GABRB2: variants seen among roughly 807,000 people sequenced by gnomAD.
The protein encoded by GABRB2 is gamma-aminobutyric acid type A receptor subunit beta2.
GABRB2 carries 16 observed loss-of-function variants against 54.7 expected under a neutral mutation model. The observed-to-expected ratio is 0.29, with a 90% CI of 0.20 to 0.44. GABRB2 has a LOEUF of 0.44. Ranked by LOEUF, GABRB2 falls within the 20% of genes least tolerant of loss-of-function variation. The pLI, the probability that GABRB2 is intolerant of heterozygous loss-of-function variation, is 1.00. For missense variants in GABRB2, 355 were observed against 644.0 expected, an observed-to-expected ratio of 0.55 and a Z score of 4.86; for synonymous variants, 244 against 233.8, an observed-to-expected ratio of 1.04 and a Z score of -0.40.
chr5:161,351,322 A>T (rs1231678483), intron 5 of GABRB2, among the ~76,000 whole-genome samples: 2 of 152,164 alleles, frequency 1.3e-5, no homozygotes, highest in African/African-American at 4.8e-5. Flanking sequence ...TAGTAATCAA[A>T]ATAGCATGGT....
chr5:161,336,790 A>T (rs945062293), intron 5 of GABRB2, 21 bp from the exon 6 acceptor site: 1 of 1,594,434 alleles, frequency 6.3e-7, no homozygotes, highest in African/African-American at 1.4e-5. Flanking sequence ...AAACATACAC[A>T]CACACACACA....
intron 5 of GABRB2, among the ~76,000 whole-genome samples, chr5:161,386,605 C>T (rs963275522): frequency 6.6e-6 from 1 of 151,954 alleles, no homozygotes; most frequent in Non-Finnish European, 1.5e-5. Context: ...GAATGCAGTG[C>T]CTTTACTTCT....
intron 5 of GABRB2, among the ~76,000 whole-genome samples, chr5:161,385,883 A>T (rs1237571004): frequency 1.3e-5 from 2 of 152,108 alleles, no homozygotes; most frequent in Non-Finnish European, 1.5e-5. Flanking sequence ...CAAGTAAAAC[A>T]TCTAAAACAT....
At position 161,371,388 on chromosome 5, in the gene GABRB2, T is replaced by C. The variant is rs538120301; in HGVS notation, c.542-34619A>G. On this transcript the variant is annotated intron_variant, in intron 5 of 9. Transcript: ENST00000393959. ...TCTATTTTAGGCCATTTCTAAAATATGTATCTAAGGAGAAGATACAATTCA... is the reference window on the plus strand; with the variant it reads ...TCTATTTTAGGCCATTTCTAAAATACGTATCTAAGGAGAAGATACAATTCA... Among the ~76,000 whole-genome samples, 14 of 152,314 alleles carry C rather than the reference T, an allele frequency of 9.2e-5. No individual in the cohort carries two copies. The South Asian group carries it at 2.7e-3, about 29-fold the overall frequency.
At chr5:161,540,483 C>A (rs1760776979) in intron 3 of GABRB2, among the ~76,000 whole-genome samples, 1 of 152,206 alleles carries the variant, frequency 6.6e-6, no homozygotes, top group African/African-American at 2.4e-5. Context: ...GACTCAATTT[C>A]TTCCAAACTC....
chr5:161,406,616 T>C (rs1317109058), intron 5 of GABRB2, among the ~76,000 whole-genome samples: 3 of 152,050 alleles, frequency 2.0e-5, no homozygotes, highest in Non-Finnish European at 4.4e-5. Flanking sequence ...ACAGACTTCA[T>C]GTGAGCTTCA....
At chr5:161,397,307 C>G (rs1056605483) in intron 5 of GABRB2, among the ~76,000 whole-genome samples, 1 of 152,178 alleles carries the variant, frequency 6.6e-6, no homozygotes, top group Non-Finnish European at 1.5e-5. Flanking sequence ...AATGTTACAA[C>G]TCAAGGCCGG....
At position 161,291,264 on chromosome 5, in the gene GABRB2, A is replaced by G. The variant is rs1757230530; in HGVS notation, c.*2817T>C. The G allele has an allele frequency of 6.6e-6, 1 of 152,420 alleles. No homozygotes were observed. The highest frequency in any genetic ancestry group is 1.5e-5 in the Non-Finnish European group (1 of 68,008). The allele number at this position is 152,420 out of a possible 1,614,324, so 9.4% of individuals were successfully genotyped here. ...CTGGCTATCTGGCTGTTTATAATTA[A>G]AAGAAAATCTATACATATGTATAAA... On this transcript the variant is annotated 3_prime_UTR_variant, in exon 10 of 10. Coordinates refer to ENST00000393959, the MANE Select transcript of GABRB2 (RefSeq NM_001371727.1).
At chr5:161,395,445 C>T (rs572262744) in intron 5 of GABRB2, among the ~76,000 whole-genome samples, 2 of 152,240 alleles carry the variant, frequency 1.3e-5, no homozygotes, top group African/African-American at 4.8e-5. Context: ...ATTTACAATG[C>T]TTCGCCCTCA....
intron 5 of GABRB2, among the ~76,000 whole-genome samples, chr5:161,350,906 G>A (rs559566485): frequency 6.6e-6 from 1 of 152,194 alleles, no homozygotes; most frequent in South Asian, 2.1e-4. Flanking sequence ...TTTGGTCACA[G>A]ACCGAAGGCT....
Position 161,459,812 on chromosome 5 carries a change from G to C in GABRB2, c.270C>G (p.Ala90=). The change falls in exon 4 of 10, where the codon GCC becomes GCG. Residue 90 remains alanine, a synonymous_variant. Transcript: ENST00000393959. ...TATAGGACAGCCTCTTATCTCTCCA[G>C]GCTTGTTGAAAGTACATTGTCAAGG... The part of the protein sequence containing the change: ...DYTLTMYFQQ[A]WRDKRLSYNV... The C allele has an allele frequency of 6.2e-7, 1 of 1,613,488 alleles. No homozygotes were observed. The highest frequency in any genetic ancestry group is 8.5e-7 in the Non-Finnish European group (1 of 1,179,506).
chr5:161,455,261 C>G (rs190375347), intron 4 of GABRB2, among the ~76,000 whole-genome samples: 1 of 152,182 alleles, frequency 6.6e-6, no homozygotes, highest in South Asian at 2.1e-4. Flanking sequence ...TTCTGGCTGA[C>G]GAGCTTTGAG....
At position 161,494,970 on chromosome 5, in the gene GABRB2, C is replaced by T. The variant is rs183121370; in HGVS notation, c.238-35126G>A. Among the ~76,000 whole-genome samples, 147 of 151,934 alleles carry T rather than the reference C, an allele frequency of 9.7e-4. 1 individual carries two copies. Among genetic ancestry groups the T allele is most frequent in the Non-Finnish European group, 4.4e-5 (3 of 67,866 alleles). Reference sequence around the variant, plus strand: ...ATTTTGATTGTTTTCAGGCTTTTAACTCATCTTTCCTAGTACTTTGACATT... The same window carrying T: ...ATTTTGATTGTTTTCAGGCTTTTAATTCATCTTTCCTAGTACTTTGACATT... On this transcript the variant is annotated intron_variant, in intron 3 of 9. Coordinates refer to ENST00000393959, the MANE Select transcript of GABRB2 (RefSeq NM_001371727.1).
chr5:161,313,209 T>C (rs1757927311), intron 9 of GABRB2, among the ~76,000 whole-genome samples: 1 of 152,176 alleles, frequency 6.6e-6, no homozygotes, highest in Non-Finnish European at 1.5e-5. Context: ...GTTATATAAC[T>C]GCTCTGTGAC....
At chr5:161,523,809 T>A (rs1760190889) in intron 3 of GABRB2, among the ~76,000 whole-genome samples, 1 of 151,294 alleles carries the variant, frequency 6.6e-6, no homozygotes, top group South Asian at 2.1e-4. Context: ...GTAGGACTAC[T>A]ATGATCCTGC....
intron 5 of GABRB2, among the ~76,000 whole-genome samples, chr5:161,352,804 A>C (rs778321252): frequency 1.1e-4 from 17 of 152,042 alleles, no homozygotes; most frequent in Non-Finnish European, 2.4e-4. Flanking sequence ...CATGCTGTAC[A>C]TAATTTTACA....
intron 5 of GABRB2, among the ~76,000 whole-genome samples, chr5:161,389,035 C>G (rs1172473147): frequency 6.6e-6 from 1 of 151,886 alleles, no homozygotes; most frequent in Non-Finnish European, 1.5e-5. Context: ...GACTTATAAC[C>G]CATATGTTCT....
At chr5:161,339,052 T>A (rs181886261) in intron 5 of GABRB2, among the ~76,000 whole-genome samples, 43 of 152,242 alleles carry the variant, frequency 2.8e-4, no homozygotes, top group African/African-American at 1.0e-3. Flanking sequence ...TCTTATCAGT[T>A]CTTTATCCAT....
chr5:161,379,023 C>T (rs1755389715), intron 5 of GABRB2, among the ~76,000 whole-genome samples: 1 of 152,110 alleles, frequency 6.6e-6, no homozygotes, highest in Admixed American at 6.6e-5. Flanking sequence ...TCATTTTCAC[C>T]ACTCTTCACT....
Sources: gnomAD v4.1 joint callset for allele counts (sites outside exome capture counted in the v4.1 genomes callset) on GRCh38, gnomAD v4.1.1 for gene constraint, MANE v1.5 for transcripts, NCBI Gene and HGNC (gene_info 2026-07-23, HGNC 2026-07-21) for gene names.